RBM19: variants seen among roughly 807,000 people sequenced by gnomAD.
The protein encoded by RBM19 is probable RNA-binding protein 19.
In RBM19, 94 loss-of-function variants were observed where a neutral mutation model predicts 116.8. The ratio of observed to expected loss-of-function variants is 0.80; its 90% CI spans 0.68 to 0.95. The LOEUF is 0.95. Ranked by LOEUF, RBM19 falls within the 40% of genes least tolerant of loss-of-function variation. The pLI, the probability that RBM19 is intolerant of heterozygous loss-of-function variation, is 0.00. For synonymous variants in RBM19, 475 were observed against 494.1 expected (o/e 0.96, Z 0.51); for missense variants, 1,161 against 1,220.7 (o/e 0.95, Z 0.73).
Position 113,825,487 on chromosome 12 carries a change from A to C in RBM19, c.2786-2166T>G, listed in dbSNP as rs1874780681. On this transcript the variant is annotated intron_variant, in intron 23 of 23. Transcript: ENST00000261741. The surrounding 1 kb of genome is among the most constrained non-coding windows in gnomAD (Gnocchi z 5.7). ...GAAATTGAATTTGTGGGCAGGTAAT[A>C]GGAACTGGAAAATAGAACGCAACAA... Among the ~76,000 whole-genome samples, 1 of 152,180 alleles carries C rather than the reference A, an allele frequency of 6.6e-6. No individual in the cohort carries two copies. Among genetic ancestry groups the C allele is most frequent in the South Asian group, 2.1e-4 (1 of 4,832 alleles).
intron 21 of RBM19, among the ~76,000 whole-genome samples, chr12:113,875,999 C>G (rs1021807817): frequency 4.6e-5 from 7 of 152,082 alleles, no homozygotes; most frequent in Admixed American, 3.3e-4. Flanking sequence ...TTCCAGCAGG[C>G]CTGTGGTGAC....
chr12:113,959,151 G>A (rs1318219893), intron 5 of RBM19, 61 bp downstream of exon 5: 18 of 1,549,142 alleles, frequency 1.2e-5, no homozygotes, highest in Admixed American at 7.0e-5. Context: ...CCCCAGTGCC[G>A]GTTAGCCCAA....
intron 15 of RBM19, among the ~76,000 whole-genome samples, chr12:113,937,987 G>A (rs12311696): frequency 0.15 from 22,935 of 152,154 alleles, 2,208 homozygotes; most frequent in African/African-American, 0.27. Flanking sequence ...ACAGATTGGT[G>A]TGCAGACAGC....
At position 113,827,108 on chromosome 12, in the gene RBM19, C is replaced by T. The variant is rs376379607; in HGVS notation, c.2786-3787G>A. 9.2e-5 allele frequency among the ~76,000 whole-genome samples: 14 copies of T among 152,290 alleles called. No individual in the cohort carries two copies. The South Asian group carries it at 2.3e-3, about 25-fold the overall frequency. On this transcript the variant is annotated intron_variant, in intron 23 of 23. Coordinates refer to ENST00000261741, the MANE Select transcript of RBM19 (RefSeq NM_016196.4). ...GTTTGCAGCGAACAGCTGCTGAAAT[C>T]CCACTTCCCCGACATCAAAAGCCTC...
chr12:113,942,575 T>G, intron 13 of RBM19, 141 bp from the exon 14 acceptor site: 1 of 596,252 alleles, frequency 1.7e-6, no homozygotes, highest in Non-Finnish European at 2.9e-6. Flanking sequence ...ATTGATCAGA[T>G]GCCCCCAACG....
rs542210764 is a variant in RBM19 at position 113,823,438 on chromosome 12, C to T, written c.2786-117G>A. On this transcript the variant is annotated intron_variant, in intron 23 of 23. Coordinates refer to ENST00000261741, the MANE Select transcript of RBM19 (RefSeq NM_016196.4). ...GGGAGAGATGAGCAGAACAAGGGTG[C>T]GGGGAGACAGAACAGAAGCGAGAGA... is the stretch of plus-strand genomic sequence containing the variant. The T allele has an allele frequency of 3.9e-4, 311 of 796,526 alleles. No individual in the cohort carries two copies. The African/African-American group carries it at 4.4e-3, about 11-fold the overall frequency. 49.3% of individuals were successfully genotyped at this position (796,526 alleles called of 1,614,324 possible).
In RBM19 at chr12:113,850,992, G is replaced by A. The variant is rs139560606; in HGVS notation, c.2665-6204C>T. On this transcript the variant is annotated intron_variant, in intron 22 of 23. Transcript: ENST00000261741. ...GTCTGCCTCCCTGGGGTGTTTTAAC[G>A]CCATCACCCTGAGAGAGAGATAGAT... Among the ~76,000 whole-genome samples, 210 of 152,284 alleles carry A rather than the reference G, an allele frequency of 1.4e-3. 1 individual carries two copies. The highest frequency in any genetic ancestry group is 4.5e-3 in the African/African-American group (185 of 41,570).
chr12:113,888,211 G>C (rs1201473986), intron 21 of RBM19, among the ~76,000 whole-genome samples: 2 of 152,020 alleles, frequency 1.3e-5, no homozygotes, highest in African/African-American at 4.8e-5. Flanking sequence ...ACTGCTTTTA[G>C]TGAAAAAAAA....
At chr12:113,932,094 C>T (rs765464334) in intron 16 of RBM19, among the ~76,000 whole-genome samples, 1 of 152,056 alleles carries the variant, frequency 6.6e-6, no homozygotes, top group South Asian at 2.1e-4. Flanking sequence ...TTATTGTGAT[C>T]GAGAAGAGCT....
At chr12:113,909,988 T>C (rs757707078) in intron 21 of RBM19, among the ~76,000 whole-genome samples, 1 of 152,088 alleles carries the variant, frequency 6.6e-6, no homozygotes, top group East Asian at 1.9e-4. Flanking sequence ...TGACATAGCA[T>C]AGGAAGGGAG....
chr12:113,946,605 G>A, intron 11 of RBM19, 130 bp from the exon 12 acceptor site: 1 of 1,271,790 alleles, frequency 7.9e-7, no homozygotes, highest in Non-Finnish European at 1.1e-6. Flanking sequence ...AGGGTGGGAG[G>A]GAGGTCAGGT....
downstream of RBM19, among the ~76,000 whole-genome samples, chr12:113,821,347 T>C (rs1425966508): frequency 6.6e-6 from 1 of 152,192 alleles, no homozygotes; most frequent in Non-Finnish European, 1.5e-5. Context: ...CTGCTGGCTC[T>C]GGTGGTGTGG....
intron 21 of RBM19, among the ~76,000 whole-genome samples, chr12:113,866,229 G>A (rs1053576272): frequency 6.6e-6 from 1 of 152,016 alleles, no homozygotes; most frequent in Admixed American, 6.6e-5. Flanking sequence ...GTGTAGAAAG[G>A]TTACCTTATC....
chr12:113,920,425 C>T (rs551343360), intron 19 of RBM19, among the ~76,000 whole-genome samples, 186 bp downstream of exon 19: 7 of 152,254 alleles, frequency 4.6e-5, no homozygotes, highest in East Asian at 3.9e-4. Flanking sequence ...CTATGGTGAC[C>T]GTGGAGTGTT....
At chr12:113,859,279 C>T (rs1446305458) in intron 21 of RBM19, among the ~76,000 whole-genome samples, 2 of 152,218 alleles carry the variant, frequency 1.3e-5, no homozygotes, top group Non-Finnish European at 2.9e-5. Context: ...AGGGGCTGCC[C>T]ATGTGTGCTA....
At chr12:113,865,215 C>T (rs558999931) in intron 21 of RBM19, among the ~76,000 whole-genome samples, 8 of 152,314 alleles carry the variant, frequency 5.3e-5, no homozygotes, top group South Asian at 2.1e-4. Flanking sequence ...ACCCACCAAA[C>T]GTATGCTTAC....
At chr12:113,846,594 G>A (rs575928019) in intron 22 of RBM19, among the ~76,000 whole-genome samples, 2 of 152,184 alleles carry the variant, frequency 1.3e-5, no homozygotes, top group Non-Finnish European at 2.9e-5. Flanking sequence ...AACCAAGGAT[G>A]CCAACTGTCC....
rs781062370 is a variant in RBM19, at chr12:113,945,872, T to C, written c.1582A>G (p.Ile528Val). ...FMGPNAVADA[I>V]AQKYNATKSQ... ...TTGGTGGCGTTGTACTTCTGTGCGA[T>C]GGCATCGGCCACGGCATTCGGCCCC... Residue 528 changes from isoleucine (I) to valine (V), a missense_variant, in exon 13 of 24, where the codon ATC (isoleucine) becomes GTC (valine). Coordinates refer to ENST00000261741, the MANE Select transcript of RBM19 (RefSeq NM_016196.4). 1.0e-5 allele frequency: 16 copies of C among 1,593,368 alleles called. No homozygotes were observed. The East Asian group carries it at 2.7e-4, about 27-fold the overall frequency.
At position 113,951,095 on chromosome 12, in the gene RBM19, C is replaced by T. The variant is rs577336934; in HGVS notation, c.1001-941G>A. On this transcript the variant is annotated intron_variant, in intron 8 of 23. Transcript: ENST00000261741. ...TTTTTCTTTTTGAGATTGGGTCTTG[C>T]TATGTTGTCCAGGCTGGATTTGAAC... is the stretch of plus-strand genomic sequence containing the variant. Among the ~76,000 whole-genome samples the T allele has an allele frequency of 2.9e-4, 44 of 152,252 alleles. 1 individual carries two copies. In the East Asian group the frequency reaches 3.7e-3, roughly 13 times the overall value.
Sources: gnomAD v4.1 joint callset for allele counts (sites outside exome capture counted in the v4.1 genomes callset) on GRCh38, gnomAD v4.1.1 for gene constraint, Gnocchi (gnomAD v3.1) non-coding constraint, MANE v1.5 for transcripts, NCBI Gene and HGNC (gene_info 2026-07-23, HGNC 2026-07-21) for gene names.